The following TNNI3K variants were observed in gnomAD, a reference collection of about 807,000 sequenced individuals.
TNNI3K encodes the protein serine/threonine-protein kinase TNNI3K.
TNNI3K carries 140 observed loss-of-function variants against 114.5 expected under a neutral mutation model. That is an observed-to-expected ratio of 1.22 (90% CI 1.07 to 1.41). The LOEUF (loss-of-function observed/expected upper bound fraction) is 1.41. Among genes scored for constraint, TNNI3K ranks in the 40% most tolerant of loss-of-function variants. The pLI is 0.00. For missense variants in TNNI3K, 1,125 were observed against 1,007.6 expected (o/e 1.12, Z -1.58); for synonymous variants, 347 against 347.5 (o/e 1.00, Z 0.02).
chr1:74,527,165 A>C (rs932738701), intron 23 of TNNI3K, among the ~76,000 whole-genome samples: 3 of 152,224 alleles, frequency 2.0e-5, no homozygotes, highest in African/African-American at 7.2e-5. Flanking sequence ...AAACAGTTTT[A>C]CTAGCCCGTG....
At chr1:74,463,600 T>C in intron 21 of TNNI3K, 50 bp downstream of exon 21, 1 of 1,592,950 alleles carries the variant, frequency 6.3e-7, no homozygotes, top group Non-Finnish European at 8.6e-7. Context: ...TCAAAATCTG[T>C]CACAAATAGT....
chr1:74,276,885 C>T (rs956526137), intron 5 of TNNI3K, among the ~76,000 whole-genome samples: 2 of 152,108 alleles, frequency 1.3e-5, no homozygotes, highest in Admixed American at 1.3e-4. Context: ...GACATGCTGA[C>T]TACAATTTGG....
chr1:74,255,353 CA>C (rs10716634), intron 4 of TNNI3K, among the ~76,000 whole-genome samples: 54,842 of 100,792 alleles, frequency 0.54, 13,974 homozygotes, highest in East Asian at 0.74. Context: ...GACTCCGTCT[CA>C]AAAAAAAAAA....
chr1:74,464,620 A>G, intron 21 of TNNI3K: 2 of 1,560,646 alleles, frequency 1.3e-6, no homozygotes, highest in Non-Finnish European at 1.7e-6. Context: ...CAAATTTTCC[A>G]TTCTTTTCCT....
chr1:74,416,133 GT>G (rs1377422575), intron 17 of TNNI3K, among the ~76,000 whole-genome samples: 1 of 152,160 alleles, frequency 6.6e-6, no homozygotes, highest in Non-Finnish European at 1.5e-5. Flanking sequence ...AGTATCTCTG[GT>G]TCTCAAGCGT....
intron 17 of TNNI3K, among the ~76,000 whole-genome samples, chr1:74,415,395 T>A (rs544946097): frequency 1.3e-5 from 2 of 152,320 alleles, no homozygotes; most frequent in Admixed American, 1.3e-4. Context: ...TCATACTATA[T>A]GTAAATACTG....
intron 21 of TNNI3K, chr1:74,470,279 T>TTAC (rs1667858921): frequency 1.0e-5 from 4 of 400,712 alleles, no homozygotes; most frequent in Non-Finnish European, 1.8e-5. Flanking sequence ...TTTTCCCAAG[T>TTAC]TTGCTGCCTT....
intron 23 of TNNI3K, among the ~76,000 whole-genome samples, chr1:74,522,662 G>GAGAGAA (rs1646450189): frequency 1.3e-5 from 2 of 152,088 alleles, no homozygotes; most frequent in African/African-American, 4.8e-5. Context: ...GAGAGAGAGA[G>GAGAGAA]AGAGAAAGAG....
intron 4 of TNNI3K, among the ~76,000 whole-genome samples, chr1:74,269,010 T>A (rs918296886): frequency 6.6e-6 from 1 of 151,908 alleles, no homozygotes; most frequent in African/African-American, 2.4e-5. Flanking sequence ...AACATTGGCC[T>A]TATTGCTGGT....
chr1:74,336,762 T>G, intron 7 of TNNI3K, among the ~76,000 whole-genome samples: 1 of 151,356 alleles, frequency 6.6e-6, no homozygotes, highest in East Asian at 1.9e-4. Flanking sequence ...GTTGGACATT[T>G]GGGTTGGTTC....
intron 23 of TNNI3K, among the ~76,000 whole-genome samples, chr1:74,503,189 C>A (rs956582541): frequency 6.6e-6 from 1 of 151,914 alleles, no homozygotes; most frequent in Non-Finnish European, 1.5e-5. Flanking sequence ...GATGAAAGTC[C>A]AAGAGTTTTT....
rs193030930 is a variant in TNNI3K at position 74,445,003 on chromosome 1, C to T, written c.2011+5381C>T. 2.6e-4 allele frequency among the ~76,000 whole-genome samples: 40 copies of T among 152,158 alleles called. No homozygotes were observed. The East Asian group carries it at 6.2e-3, about 24-fold the overall frequency. On this transcript the variant is annotated intron_variant, in intron 20 of 24. Coordinates refer to ENST00000326637, the MANE Select transcript of TNNI3K (RefSeq NM_015978.3). ...CATATGCAGAAAACTGAAGCTGGAC[C>T]CCTTCCTTATATCTTATACAAAAAT...
At chr1:74,442,036 C>T (rs1424428201) in intron 20 of TNNI3K, among the ~76,000 whole-genome samples, 6 of 152,066 alleles carry the variant, frequency 3.9e-5, no homozygotes, top group African/African-American at 1.4e-4. Flanking sequence ...TTACTCAAAG[C>T]CATAAAAACT....
chr1:74,404,025 C>A (rs2100596663), intron 17 of TNNI3K, among the ~76,000 whole-genome samples: 1 of 152,112 alleles, frequency 6.6e-6, no homozygotes, highest in East Asian at 1.9e-4. Context: ...CACTGCCCAC[C>A]CCAATGTCCT....
At chr1:74,247,754 T>C (rs1173670029) in intron 2 of TNNI3K, among the ~76,000 whole-genome samples, 1 of 151,800 alleles carries the variant, frequency 6.6e-6, no homozygotes, top group Non-Finnish European at 1.5e-5. Context: ...AGACACAGAG[T>C]GCTGATTGGT....
chr1:74,470,597 T>C, intron 21 of TNNI3K: 1 of 400,724 alleles, frequency 2.5e-6, no homozygotes, highest in Non-Finnish European at 4.4e-6. Context: ...GTTTGGGGAA[T>C]GAGAGAGGAA....
chr1:74,487,735 T>C (rs1396630564), intron 21 of TNNI3K, among the ~76,000 whole-genome samples: 1 of 152,184 alleles, frequency 6.6e-6, no homozygotes, highest in African/African-American at 2.4e-5. Context: ...GAAGAGCATC[T>C]ACTTTAGGAC....
At chr1:74,363,412 AACCC>A (rs1662081678) in intron 11 of TNNI3K, among the ~76,000 whole-genome samples, 1 of 152,042 alleles carries the variant, frequency 6.6e-6, no homozygotes, top group East Asian at 1.9e-4. Context: ...CATCAGCCAG[AACCC>A]AGGCACTCAT....
intron 23 of TNNI3K, among the ~76,000 whole-genome samples, chr1:74,504,052 C>A (rs2100352157): frequency 6.6e-6 from 1 of 152,302 alleles, no homozygotes; most frequent in Non-Finnish European, 1.5e-5. Context: ...ACCTCTTCAC[C>A]GCATCCCTAG....
Sources: allele counts gnomAD v4.1 joint callset (sites outside exome capture counted in the v4.1 genomes callset), GRCh38; gene constraint gnomAD v4.1.1; transcripts MANE v1.5; gene names NCBI Gene and HGNC (gene_info 2026-07-23, HGNC 2026-07-21).